Variants in WWOX observed in about 807,000 individuals in gnomAD.
WWOX encodes the protein WW domain containing oxidoreductase, also known as WW domain-containing oxidoreductase.
Under a neutral mutation model 46.2 loss-of-function variants are expected in WWOX, and 69 were observed. The ratio of observed to expected loss-of-function variants is 1.49; its 90% CI spans 1.23 to 1.82. The LOEUF (loss-of-function observed/expected upper bound fraction) is 1.82. Among genes scored for constraint, WWOX ranks in the 40% most tolerant of loss-of-function variants. WWOX has a pLI of 0.00. For synonymous variants in WWOX, 359 were observed against 202.6 expected, an observed-to-expected ratio of 1.77 and a Z score of -6.56; for missense variants, 919 against 542.6, an observed-to-expected ratio of 1.69 and a Z score of -6.89.
chr16:78,480,817 G>A (rs781112244), intron 8 of WWOX, among the ~76,000 whole-genome samples: 2 of 152,196 alleles, frequency 1.3e-5, no homozygotes, highest in African/African-American at 2.4e-5. Flanking sequence ...TTGTAGTTTT[G>A]CATGTGTGCT....
At chr16:78,941,873 A>G (rs1249211606) in intron 8 of WWOX, among the ~76,000 whole-genome samples, 1 of 152,028 alleles carries the variant, frequency 6.6e-6, no homozygotes, top group Non-Finnish European at 1.5e-5. Flanking sequence ...CTTTTTGCCC[A>G]CTTATTTAGG....
At chr16:78,369,495 C>T (rs2081615482) in intron 5 of WWOX, among the ~76,000 whole-genome samples, 1 of 152,204 alleles carries the variant, frequency 6.6e-6, no homozygotes, top group African/African-American at 2.4e-5. Flanking sequence ...CGAGTCTCCT[C>T]AGGCACAACA....
chr16:78,887,807 T>G (rs1158037095), intron 8 of WWOX, among the ~76,000 whole-genome samples: 1 of 152,234 alleles, frequency 6.6e-6, no homozygotes, highest in Non-Finnish European at 1.5e-5. Flanking sequence ...TTAAGAGTTT[T>G]GCTGAGTGAG....
intron 7 of WWOX, among the ~76,000 whole-genome samples, chr16:78,428,736 G>T (rs945067878): frequency 6.6e-6 from 1 of 152,174 alleles, no homozygotes; most frequent in African/African-American, 2.4e-5. Context: ...TGTGTATGAT[G>T]ATAGTGTATA....
intron 8 of WWOX, among the ~76,000 whole-genome samples, chr16:78,950,403 G>A (rs976087586): frequency 1.3e-5 from 2 of 152,050 alleles, no homozygotes; most frequent in African/African-American, 4.8e-5. Flanking sequence ...CTGAGAGGAA[G>A]GGGCTTTTTT....
At chr16:78,481,270 A>C (rs1198159037) in intron 8 of WWOX, among the ~76,000 whole-genome samples, 1 of 152,190 alleles carries the variant, frequency 6.6e-6, no homozygotes, top group Non-Finnish European at 1.5e-5. Context: ...AAGACAGTTC[A>C]AAGCAGCTTG....
intron 5 of WWOX, among the ~76,000 whole-genome samples, chr16:78,271,574 T>C (rs1314913259): frequency 3.3e-5 from 5 of 152,232 alleles, no homozygotes; most frequent in African/African-American, 1.2e-4. Context: ...GCATCTCTTC[T>C]TCTTGTTTTC....
intron 8 of WWOX, among the ~76,000 whole-genome samples, chr16:79,055,153 G>T (rs1411000492): frequency 6.6e-6 from 1 of 152,168 alleles, no homozygotes; most frequent in Admixed American, 6.5e-5. Flanking sequence ...TTCCTCCTCA[G>T]ATATGCACCT....
At chr16:78,432,386 G>C in intron 7 of WWOX, 102 bp from the exon 8 acceptor site, 2 of 1,485,986 alleles carry the variant, frequency 1.3e-6, no homozygotes, top group Non-Finnish European at 1.9e-6. Context: ...GATTACAGAT[G>C]TGAGCCACTG....
Position 78,488,600 on chromosome 16 carries a change from G to C in WWOX, c.1056+55848G>C, listed in dbSNP as rs72801922. ...CCTCAGGTAGCTGACCCGAGAGACCGTGGAGCTGCTTGTGATATACAATGT... is the reference window on the plus strand; with the variant it reads ...CCTCAGGTAGCTGACCCGAGAGACCCTGGAGCTGCTTGTGATATACAATGT... On this transcript the variant is annotated intron_variant, in intron 8 of 8. Transcript: ENST00000566780. Among the ~76,000 whole-genome samples, 573 of 152,194 alleles carry C rather than the reference G, an allele frequency of 3.8e-3. 3 individuals carry two copies. The highest frequency in any genetic ancestry group is 0.01 in the Middle Eastern group (3 of 294).
intron 8 of WWOX, among the ~76,000 whole-genome samples, chr16:78,765,416 T>C (rs991682051): frequency 6.6e-6 from 1 of 152,164 alleles, no homozygotes. Context: ...CGGTGGCTCA[T>C]ACTTATAATC....
At chr16:78,908,160 T>G (rs1344029734) in intron 8 of WWOX, among the ~76,000 whole-genome samples, 1 of 152,140 alleles carries the variant, frequency 6.6e-6, no homozygotes, top group Non-Finnish European at 1.5e-5. Context: ...TGTCACAACT[T>G]AAGAGCCAGT....
intron 5 of WWOX, among the ~76,000 whole-genome samples, chr16:78,351,307 G>T (rs982727327): frequency 6.6e-6 from 1 of 152,076 alleles, no homozygotes; most frequent in Admixed American, 6.6e-5. Flanking sequence ...ACTTTTTTGT[G>T]CTACAAGAGT....
chr16:78,239,492 A>G (rs572200945), intron 5 of WWOX, among the ~76,000 whole-genome samples: 2 of 152,112 alleles, frequency 1.3e-5, no homozygotes, highest in Admixed American at 6.5e-5. Flanking sequence ...AGGCCCCTCT[A>G]TCCCCTCTGT....
rs575862102 is a variant in WWOX, at chr16:78,564,342, G to A, written c.1056+131590G>A. Among the ~76,000 whole-genome samples the A allele has an allele frequency of 1.3e-3, 204 of 152,332 alleles. 2 individuals are homozygous for A. The highest frequency in any genetic ancestry group is 2.2e-3 in the Admixed American group (33 of 15,304). On this transcript the variant is annotated intron_variant, in intron 8 of 8. Transcript: ENST00000566780. ...TCCTCAGCTGTAGGCCTGGTATGCA[G>A]AAGTATTCAGTTATTTGGTGAGTGA...
At chr16:79,061,574 C>A (rs957216250) in intron 8 of WWOX, among the ~76,000 whole-genome samples, 2 of 152,190 alleles carry the variant, frequency 1.3e-5, no homozygotes, top group African/African-American at 4.8e-5. Context: ...AAGTAACACT[C>A]AGAGACACTG....
chr16:78,115,584 TATC>T (rs2032738402), intron 4 of WWOX, among the ~76,000 whole-genome samples: 1 of 152,360 alleles, frequency 6.6e-6, no homozygotes, highest in African/African-American at 2.4e-5. Flanking sequence ...TCACTGAGCA[TATC>T]ATTTTCTTTT....
chr16:79,035,298 C>T (rs953991066), intron 8 of WWOX, among the ~76,000 whole-genome samples: 2 of 152,156 alleles, frequency 1.3e-5, no homozygotes, highest in African/African-American at 4.8e-5. Flanking sequence ...CATCTCTAAT[C>T]CCTTTGATTT....
chr16:78,243,256 C>G (rs913305632), intron 5 of WWOX, among the ~76,000 whole-genome samples: 2 of 152,106 alleles, frequency 1.3e-5, no homozygotes, highest in Non-Finnish European at 2.9e-5. Context: ...TCTACTAACA[C>G]CTATACTTTT....
Sources: gnomAD v4.1 joint callset for allele counts (sites outside exome capture counted in the v4.1 genomes callset) on GRCh38, gnomAD v4.1.1 for gene constraint, MANE v1.5 for transcripts, NCBI Gene and HGNC (gene_info 2026-07-23, HGNC 2026-07-21) for gene names.